DOCK2: variants seen among roughly 807,000 people sequenced by gnomAD.
DOCK2 encodes the protein dedicator of cytokinesis protein 2.
DOCK2 carries 87 observed loss-of-function variants against 248.9 expected under a neutral mutation model. That is an observed-to-expected ratio of 0.35 (90% CI 0.29 to 0.42). The LOEUF (loss-of-function observed/expected upper bound fraction) is 0.42, where lower values mean the gene tolerates loss of function less well. DOCK2 is among the 10% of genes least tolerant of loss of function. DOCK2 has a pLI of 1.00. For missense variants in DOCK2, 1,747 were observed against 2,300.2 expected (o/e 0.76, Z 4.92); for synonymous variants, 805 against 821.6 (o/e 0.98, Z 0.35).
intron 27 of DOCK2, among the ~76,000 whole-genome samples, chr5:169,846,793 A>G (rs1770344043): frequency 6.6e-6 from 1 of 152,168 alleles, no homozygotes; most frequent in South Asian, 2.1e-4. Flanking sequence ...TAGTGCACCC[A>G]TCACATGAGT....
intron 25 of DOCK2, among the ~76,000 whole-genome samples, chr5:169,802,317 A>G (rs1767050206): frequency 6.6e-6 from 1 of 152,156 alleles, no homozygotes; most frequent in East Asian, 1.9e-4. Flanking sequence ...GCATGTCACC[A>G]TGCCCAACTA....
intron 27 of DOCK2, among the ~76,000 whole-genome samples, chr5:169,843,766 A>G (rs1770137985): frequency 6.6e-6 from 1 of 152,176 alleles, no homozygotes; most frequent in African/African-American, 2.4e-5. Context: ...TCCATAGATT[A>G]CCTTTTCTGG....
At chr5:170,051,071 G>A (rs1756897260) in intron 41 of DOCK2, among the ~76,000 whole-genome samples, 1 of 152,220 alleles carries the variant, frequency 6.6e-6, no homozygotes, top group Admixed American at 6.5e-5. Flanking sequence ...TGGGAAAGGA[G>A]AGAAGGTTTC....
At chr5:169,705,278 T>C (rs776781570) in intron 14 of DOCK2, among the ~76,000 whole-genome samples, 3 of 152,208 alleles carry the variant, frequency 2.0e-5, no homozygotes, top group Non-Finnish European at 4.4e-5. Context: ...TGAAGCCCTC[T>C]GAGGGACCTG....
intron 22 of DOCK2, among the ~76,000 whole-genome samples, chr5:169,726,215 G>T (rs1041945619): frequency 6.6e-6 from 1 of 152,054 alleles, no homozygotes; most frequent in Non-Finnish European, 1.5e-5. Context: ...GGTGTGAGAT[G>T]GTATCTCATT....
At chr5:169,984,422 A>G (rs948047008) in intron 28 of DOCK2, among the ~76,000 whole-genome samples, 4 of 152,190 alleles carry the variant, frequency 2.6e-5, no homozygotes, top group African/African-American at 7.2e-5. Flanking sequence ...TGTACTAAGC[A>G]TGTGATAGGC....
intron 27 of DOCK2, among the ~76,000 whole-genome samples, chr5:169,925,540 A>G (rs907476491): frequency 2.8e-4 from 39 of 138,278 alleles, no homozygotes; most frequent in African/African-American, 1.0e-3. Context: ...AGATCAGGCC[A>G]CTGAACTCCA....
chr5:170,030,597 G>A (rs4385221), intron 34 of DOCK2, among the ~76,000 whole-genome samples: 62,709 of 152,082 alleles, frequency 0.41, 13,747 homozygotes, highest in East Asian at 0.58. Context: ...AGTGTCCCTA[G>A]TCTGAAAATC....
At chr5:170,074,268 T>C (rs2113873424) in intron 46 of DOCK2, among the ~76,000 whole-genome samples, 1 of 152,352 alleles carries the variant, frequency 6.6e-6, no homozygotes, top group African/African-American at 2.4e-5. Flanking sequence ...ATTCATTCTG[T>C]TTTTTCTTCC....
intron 26 of DOCK2, among the ~76,000 whole-genome samples, chr5:169,828,065 T>A (rs575564319): frequency 6.6e-6 from 1 of 152,274 alleles, no homozygotes; most frequent in Admixed American, 6.5e-5. Context: ...TTTTTATTTA[T>A]ACAGATAGGT....
At chr5:170,020,715 T>C (rs73800268) in intron 33 of DOCK2, among the ~76,000 whole-genome samples, 2 of 152,360 alleles carry the variant, frequency 1.3e-5, no homozygotes, top group African/African-American at 4.8e-5. Flanking sequence ...AAACCCATGC[T>C]GCAACCCGTA....
chr5:169,846,312 C>A (rs1371565717), intron 27 of DOCK2, among the ~76,000 whole-genome samples: 1 of 152,100 alleles, frequency 6.6e-6, no homozygotes, highest in Non-Finnish European at 1.5e-5. Flanking sequence ...TCACAGGAAC[C>A]ATGGGGCTAG....
chr5:169,827,368 A>G (rs1768934217), intron 26 of DOCK2, among the ~76,000 whole-genome samples: 1 of 152,180 alleles, frequency 6.6e-6, no homozygotes, highest in South Asian at 2.1e-4. Flanking sequence ...GGAGCAGATG[A>G]CTGCTTCTAG....
intron 32 of DOCK2, among the ~76,000 whole-genome samples, chr5:170,015,796 C>T (rs547999026): frequency 2.1e-4 from 32 of 151,228 alleles, no homozygotes; most frequent in African/African-American, 7.3e-4. Flanking sequence ...CTCCCTCCCT[C>T]CTTTCTCCCT....
At chr5:169,654,170 C>T (rs777947744) in intron 1 of DOCK2, among the ~76,000 whole-genome samples, 4 of 152,240 alleles carry the variant, frequency 2.6e-5, no homozygotes, top group Non-Finnish European at 5.9e-5. Flanking sequence ...GTCACTCAGG[C>T]TCAATGCAGG....
chr5:170,050,665 G>C (rs1367579339), intron 41 of DOCK2, among the ~76,000 whole-genome samples: 1 of 152,198 alleles, frequency 6.6e-6, no homozygotes, highest in Non-Finnish European at 1.5e-5. Flanking sequence ...ATGTGAGCTA[G>C]AATGTCAACT....
chr5:170,069,094 C>A, intron 45 of DOCK2, 43 bp from the exon 46 acceptor site: 1 of 1,573,980 alleles, frequency 6.4e-7, no homozygotes, highest in Non-Finnish European at 8.7e-7. Context: ...CTGTGAAATG[C>A]CACATGAACA....
intron 27 of DOCK2, among the ~76,000 whole-genome samples, chr5:169,933,479 A>G (rs937841335): frequency 1.3e-5 from 2 of 152,262 alleles, no homozygotes; most frequent in African/African-American, 4.8e-5. Flanking sequence ...CTGAGCATCA[A>G]GAGTCTGCAT....
intron 27 of DOCK2, among the ~76,000 whole-genome samples, chr5:169,918,673 G>T (rs888666818): frequency 1.3e-5 from 2 of 152,218 alleles, no homozygotes; most frequent in Non-Finnish European, 2.9e-5. Flanking sequence ...AGCACTTTGG[G>T]AGGCCGAGGC....
Sources: gnomAD v4.1 joint callset for allele counts (sites outside exome capture counted in the v4.1 genomes callset) on GRCh38, gnomAD v4.1.1 for gene constraint, MANE v1.5 for transcripts, NCBI Gene and HGNC (gene_info 2026-07-23, HGNC 2026-07-21) for gene names.